SLC27A1: variants seen among roughly 807,000 people sequenced by gnomAD.
SLC27A1 encodes the protein long-chain fatty acid transport protein 1.
In SLC27A1, 61 loss-of-function variants were observed where a neutral mutation model predicts 62.2. The ratio of observed to expected loss-of-function variants is 0.98; its 90% CI spans 0.80 to 1.21. The LOEUF (loss-of-function observed/expected upper bound fraction) is 1.21, where lower values mean the gene tolerates loss of function less well. Among genes scored for constraint, SLC27A1 ranks in the 50% most tolerant of loss-of-function variants. SLC27A1 has a pLI of 0.00. For missense variants in SLC27A1, 903 were observed against 932.1 expected (o/e 0.97, Z 0.41); for synonymous variants, 435 against 408.6 (o/e 1.06, Z -0.78).
chr19:17,487,815 C>T (rs1334904292), intron 4 of SLC27A1, among the ~76,000 whole-genome samples: 1 of 152,048 alleles, frequency 6.6e-6, no homozygotes, highest in Non-Finnish European at 1.5e-5. Flanking sequence ...CTCTGGGGCC[C>T]CTCTCATCCC....
In SLC27A1 at chr19:17,477,239, G is replaced by GTTTTTT. The variant is rs1368216587; in HGVS notation, c.167+6532_167+6533insTTTTTT. 7.7e-4 allele frequency among the ~76,000 whole-genome samples: 38 copies of GTTTTTT among 49,054 alleles called. 1 individual carries two copies. Among genetic ancestry groups the GTTTTTT allele is most frequent in the Non-Finnish European group, 1.2e-3 (27 of 22,654 alleles). The allele number at this position is 49,054 out of a possible 152,430, so 32.2% of individuals were successfully genotyped here. ...TTTATTGGTTGAATGGATGAGCAGCGCTTTTTTTTTTTTTTTTTTTTTTTT... is the reference window on the plus strand; with the variant it reads ...TTTATTGGTTGAATGGATGAGCAGCGTTTTTTCTTTTTTTTTTTTTTTTTTTTTTTT... On this transcript the variant is annotated intron_variant, in intron 1 of 11. Coordinates refer to ENST00000252595, the MANE Select transcript of SLC27A1 (RefSeq NM_198580.3).
At chr19:17,470,506 C>CGGCCCG, upstream of SLC27A1, 1 of 1,501,610 alleles carries the variant, frequency 6.7e-7, no homozygotes, top group Non-Finnish European at 8.8e-7. Flanking sequence ...GGGGCTGGAG[C>CGGCCCG]GGCCCGCGGC....
At chr19:17,474,479 C>T (rs2075103658) in intron 1 of SLC27A1, among the ~76,000 whole-genome samples, 1 of 152,106 alleles carries the variant, frequency 6.6e-6, no homozygotes, top group Non-Finnish European at 1.5e-5. Flanking sequence ...TGTGGGTGTC[C>T]ATGCCTGGTT....
At chr19:17,469,499 C>A (rs1304842773), upstream of SLC27A1, among the ~76,000 whole-genome samples, 1 of 152,026 alleles carries the variant, frequency 6.6e-6, no homozygotes, top group Non-Finnish European at 1.5e-5. Context: ...CCCAAGGCTG[C>A]AGGACACGTG....
chr19:17,489,236 C>G, intron 6 of SLC27A1, 119 bp downstream of exon 6: 1 of 818,540 alleles, frequency 1.2e-6, no homozygotes, highest in Non-Finnish European at 2.0e-6. Flanking sequence ...GCCCCACCTC[C>G]TCCTGGTCAG....
In SLC27A1 at chr19:17,504,771, C is replaced by T; in HGVS notation, c.*159C>T. ...CTGAGAAACTGGAACCTCAGAGGAACCCGTGCCTCTCTGCTGCCTTGGTGC... is the reference window on the plus strand; with the variant it reads ...CTGAGAAACTGGAACCTCAGAGGAATCCGTGCCTCTCTGCTGCCTTGGTGC... On this transcript the variant is annotated 3_prime_UTR_variant, in exon 12 of 12. Transcript: ENST00000252595. The T allele has an allele frequency of 1.1e-6, 1 of 951,170 alleles. No homozygotes were observed. Among genetic ancestry groups the T allele is most frequent in the Non-Finnish European group, 1.6e-6 (1 of 611,398 alleles). The allele number at this position is 951,170 out of a possible 1,614,324, so 58.9% of individuals were successfully genotyped here.
At chr19:17,504,134 C>T (rs2075448493) in intron 11 of SLC27A1, among the ~76,000 whole-genome samples, 4 of 151,904 alleles carry the variant, frequency 2.6e-5, no homozygotes, top group Admixed American at 2.6e-4. Context: ...CAAATTTGGC[C>T]CACAGGATGT....
chr19:17,470,501 T>G (rs1178664927), upstream of SLC27A1: 13 of 1,497,222 alleles, frequency 8.7e-6, no homozygotes, highest in Non-Finnish European at 1.1e-5. Context: ...GGGGCGGGGC[T>G]GGAGCGGCCC....
At chr19:17,495,957 G>C (rs1431090975) in intron 6 of SLC27A1, 1 of 152,482 alleles carries the variant, frequency 6.6e-6, no homozygotes, top group Non-Finnish European at 1.5e-5. Flanking sequence ...AAATGCATCT[G>C]GGGGAAGACT....
intron 6 of SLC27A1, among the ~76,000 whole-genome samples, chr19:17,494,547 G>T (rs549348469): frequency 6.6e-6 from 1 of 150,764 alleles, no homozygotes; most frequent in South Asian, 2.1e-4. Context: ...GGCTGGTCTC[G>T]AACTCCTGAC....
chr19:17,501,145 A>G, intron 10 of SLC27A1, 128 bp from the exon 11 acceptor site: 1 of 1,383,738 alleles, frequency 7.2e-7, no homozygotes, highest in Non-Finnish European at 9.8e-7. Flanking sequence ...GGCTGCTTCC[A>G]TAAATGTCAT....
intron 1 of SLC27A1, among the ~76,000 whole-genome samples, chr19:17,480,522 A>G (rs1327166754): frequency 7.2e-6 from 1 of 139,818 alleles, no homozygotes; most frequent in African/African-American, 2.7e-5. Flanking sequence ...ACATGCCACA[A>G]TGGCCAGTTA....
chr19:17,488,985 C>A, intron 5 of SLC27A1, 23 bp from the exon 6 acceptor site: 1 of 1,613,928 alleles, frequency 6.2e-7, no homozygotes, highest in South Asian at 1.1e-5. Flanking sequence ...CGGGGGACCC[C>A]TTACCAAGGC....
At chr19:17,487,005 C>T (rs749107142) in intron 2 of SLC27A1, 48 bp downstream of exon 2, 44 of 1,538,648 alleles carry the variant, frequency 2.9e-5, no homozygotes, top group Non-Finnish European at 3.6e-5. Flanking sequence ...AGGACTGGCC[C>T]CTGGGCGGGC....
chr19:17,498,560 C>G (rs2075373927), intron 7 of SLC27A1: 2 of 167,640 alleles, frequency 1.2e-5, no homozygotes, highest in African/African-American at 4.8e-5. Flanking sequence ...AGGGTCCAGC[C>G]CCACAGGGTC....
At position 17,492,936 on chromosome 19, in the gene SLC27A1, G is replaced by A. The variant is rs146697571; in HGVS notation, c.996+3819G>A. ...GCCTGGGCAACGAGAGCGAAACTCCGTCTTAAAAAAAAAAAGAAAGAAATA... is the reference window on the plus strand; with the variant it reads ...GCCTGGGCAACGAGAGCGAAACTCCATCTTAAAAAAAAAAAGAAAGAAATA... On this transcript the variant is annotated intron_variant, in intron 6 of 11. Coordinates refer to ENST00000252595, the MANE Select transcript of SLC27A1 (RefSeq NM_198580.3). 5.8e-3 allele frequency among the ~76,000 whole-genome samples: 867 copies of A among 149,164 alleles called. 10 individuals are homozygous for A. Among genetic ancestry groups the A allele is most frequent in the African/African-American group, 0.02 (803 of 40,534 alleles).
chr19:17,475,338 C>G (rs1209144614), intron 1 of SLC27A1, among the ~76,000 whole-genome samples: 1 of 152,130 alleles, frequency 6.6e-6, no homozygotes, highest in East Asian at 1.9e-4. Context: ...GCCAGGAGTT[C>G]AAGACCAGCC....
chr19:17,483,033 T>G (rs2075195239), intron 1 of SLC27A1, among the ~76,000 whole-genome samples: 1 of 147,420 alleles, frequency 6.8e-6, no homozygotes, highest in African/African-American at 2.5e-5. Context: ...AGGGAATGAG[T>G]GAAGGAGGGA....
chr19:17,495,172 A>G (rs1431184626), intron 6 of SLC27A1, among the ~76,000 whole-genome samples: 1 of 151,258 alleles, frequency 6.6e-6, no homozygotes, highest in Non-Finnish European at 1.5e-5. Flanking sequence ...ATGAGGTATT[A>G]CTACATTGGC....
Sources: gnomAD v4.1 joint callset for allele counts (sites outside exome capture counted in the v4.1 genomes callset) on GRCh38, gnomAD v4.1.1 for gene constraint, MANE v1.5 for transcripts, NCBI Gene and HGNC (gene_info 2026-07-23, HGNC 2026-07-21) for gene names.